Variants in PPP1R12B observed in about 807,000 individuals in gnomAD.
The protein encoded by PPP1R12B is myosin phosphatase target subunit 2.
In PPP1R12B, 76 loss-of-function variants were observed where a neutral mutation model predicts 126.1. That is an observed-to-expected ratio of 0.60 (90% CI 0.50 to 0.73). The LOEUF (loss-of-function observed/expected upper bound fraction) is 0.73. Among genes scored for constraint, PPP1R12B ranks in the 30% least tolerant of loss-of-function variants. PPP1R12B has a pLI of 0.00. For missense variants in PPP1R12B, 1,052 were observed against 1,205.1 expected (o/e 0.87, Z 1.88); for synonymous variants, 356 against 434.7 (o/e 0.82, Z 2.25).
intron 18 of PPP1R12B, among the ~76,000 whole-genome samples, chr1:202,545,766 A>G (rs1436973447): frequency 6.6e-6 from 1 of 152,246 alleles, no homozygotes; most frequent in African/African-American, 2.4e-5. Context: ...TTGGAGAACA[A>G]TAGAAGCTAG....
chr1:202,395,558 CA>C (rs1311743167), intron 1 of PPP1R12B, among the ~76,000 whole-genome samples: 1 of 152,150 alleles, frequency 6.6e-6, no homozygotes. Flanking sequence ...CACCCATTTC[CA>C]CAGTTATACC....
chr1:202,410,301 A>G (rs1175765764), intron 1 of PPP1R12B: 1 of 152,210 alleles, frequency 6.6e-6, no homozygotes, highest in African/African-American at 2.4e-5. Flanking sequence ...TTTTGTCCAC[A>G]TGATTTGTTG....
intron 13 of PPP1R12B, among the ~76,000 whole-genome samples, chr1:202,481,530 T>C (rs1043667585): frequency 3.2e-5 from 4 of 124,946 alleles, no homozygotes; most frequent in East Asian, 3.1e-4. Flanking sequence ...TTGGAAGATA[T>C]AGTTTTTTTA....
At chr1:202,458,626 A>G (rs1483823289) in intron 13 of PPP1R12B, among the ~76,000 whole-genome samples, 6 of 152,244 alleles carry the variant, frequency 3.9e-5, no homozygotes, top group Admixed American at 3.9e-4. Flanking sequence ...GCCTTTACAG[A>G]ATTAAAGCCA....
At chr1:202,537,934 A>G (rs1231915973) in intron 18 of PPP1R12B, among the ~76,000 whole-genome samples, 1 of 152,242 alleles carries the variant, frequency 6.6e-6, no homozygotes, top group African/African-American at 2.4e-5. Flanking sequence ...AGCTATATCT[A>G]TAATATACAT....
intron 18 of PPP1R12B, among the ~76,000 whole-genome samples, chr1:202,518,582 A>G (rs1325460857): frequency 6.6e-6 from 1 of 152,256 alleles, no homozygotes; most frequent in Non-Finnish European, 1.5e-5. Flanking sequence ...TCTGATTACA[A>G]CCATAAGGAT....
At chr1:202,557,488 T>C (rs1375541551) in intron 18 of PPP1R12B, among the ~76,000 whole-genome samples, 1 of 152,120 alleles carries the variant, frequency 6.6e-6, no homozygotes, top group Admixed American at 6.5e-5. Flanking sequence ...ATTTCCAACT[T>C]TCAGGATTCT....
intron 1 of PPP1R12B, among the ~76,000 whole-genome samples, chr1:202,395,447 C>T (rs559200358): frequency 2.6e-5 from 4 of 152,198 alleles, no homozygotes; most frequent in Non-Finnish European, 4.4e-5. Context: ...ACAACTTACT[C>T]TCCATCTCAT....
At chr1:202,392,242 C>G (rs1412732537) in intron 1 of PPP1R12B, among the ~76,000 whole-genome samples, 1 of 152,072 alleles carries the variant, frequency 6.6e-6, no homozygotes, top group Non-Finnish European at 1.5e-5. Flanking sequence ...AAATGTTCAT[C>G]AGCTTATGGA....
intron 18 of PPP1R12B, among the ~76,000 whole-genome samples, chr1:202,540,742 T>TTTTG (rs1685037828): frequency 1.3e-5 from 2 of 152,238 alleles, no homozygotes; most frequent in Admixed American, 6.5e-5. Flanking sequence ...CTTTTGCCTA[T>TTTTG]TTTGTATGTC....
At chr1:202,422,301 G>T (rs1668907488) in intron 2 of PPP1R12B, among the ~76,000 whole-genome samples, 1 of 152,162 alleles carries the variant, frequency 6.6e-6, no homozygotes, top group South Asian at 2.1e-4. Context: ...GTGTGGCACT[G>T]GGAAAGTTTA....
intron 18 of PPP1R12B, among the ~76,000 whole-genome samples, chr1:202,543,812 A>G (rs967764704): frequency 1.3e-5 from 2 of 151,954 alleles, no homozygotes; most frequent in Non-Finnish European, 2.9e-5. Flanking sequence ...GCATGCCCTC[A>G]CTCGCTCCTA....
intron 1 of PPP1R12B, among the ~76,000 whole-genome samples, chr1:202,384,366 G>A (rs771742712): frequency 6.6e-6 from 1 of 152,146 alleles, no homozygotes; most frequent in Non-Finnish European, 1.5e-5. Context: ...ATATTATTCA[G>A]CCATAAAAAG....
At chr1:202,451,924 G>T (rs1673003546) in intron 13 of PPP1R12B, among the ~76,000 whole-genome samples, 1 of 152,050 alleles carries the variant, frequency 6.6e-6, no homozygotes, top group Non-Finnish European at 1.5e-5. Flanking sequence ...TGGCTGCCGG[G>T]TGGAGGGGCT....
chr1:202,375,103 C>T lies in PPP1R12B; in HGVS notation c.291+25961C>T, dbSNP rs780222177. On this transcript the variant is annotated intron_variant, in intron 1 of 23. Transcript: ENST00000608999. ...GATTACAGGCATGTGCCACCACGCCCGGCTAATTTTTTGTATTTTTAGTAG... is the reference window on the plus strand; with the variant it reads ...GATTACAGGCATGTGCCACCACGCCTGGCTAATTTTTTGTATTTTTAGTAG... 1.4e-3 allele frequency among the ~76,000 whole-genome samples: 216 copies of T among 152,132 alleles called. 1 individual carries two copies. The highest frequency in any genetic ancestry group is 1.1e-3 in the Non-Finnish European group (78 of 67,990).
intron 18 of PPP1R12B, among the ~76,000 whole-genome samples, chr1:202,509,381 T>C (rs1296362788): frequency 6.6e-6 from 1 of 152,186 alleles, no homozygotes; most frequent in African/African-American, 2.4e-5. Flanking sequence ...ATTTTAAATA[T>C]AGTCTCTCTG....
chr1:202,578,130 T>C (rs1572570181), intron 23 of PPP1R12B, among the ~76,000 whole-genome samples: 1 of 152,238 alleles, frequency 6.6e-6, no homozygotes, highest in South Asian at 2.1e-4. Flanking sequence ...TAGATGTCAA[T>C]TGTAGCATGT....
chr1:202,475,398 A>C (rs904436373), intron 13 of PPP1R12B, among the ~76,000 whole-genome samples: 5 of 152,222 alleles, frequency 3.3e-5, no homozygotes, highest in African/African-American at 1.2e-4. Context: ...ATTATGACAG[A>C]CTTTTGGGAA....
intron 1 of PPP1R12B, among the ~76,000 whole-genome samples, chr1:202,408,033 T>A (rs1237082621): frequency 6.6e-6 from 1 of 152,250 alleles, no homozygotes; most frequent in Non-Finnish European, 1.5e-5. Context: ...TGGAAGGATG[T>A]GCATAGGTTA....
Sources: gnomAD v4.1 joint callset for allele counts (sites outside exome capture counted in the v4.1 genomes callset) on GRCh38, gnomAD v4.1.1 for gene constraint, MANE v1.5 for transcripts, NCBI Gene and HGNC (gene_info 2026-07-23, HGNC 2026-07-21) for gene names.